The following DNAH1 variants were observed in gnomAD, a reference collection of about 807,000 sequenced individuals.
The protein encoded by DNAH1 is dynein axonemal heavy chain 1, also known as axonemal beta dynein heavy chain 1.
Under a neutral mutation model 484.3 loss-of-function variants are expected in DNAH1, and 327 were observed. That is an observed-to-expected ratio of 0.68 (90% CI 0.62 to 0.74). The LOEUF (loss-of-function observed/expected upper bound fraction) is 0.74. Among genes scored for constraint, DNAH1 ranks in the 30% least tolerant of loss-of-function variants. The pLI is 0.00. For synonymous variants in DNAH1, 2,192 were observed against 2,191.9 expected, an observed-to-expected ratio of 1.00 and a Z score of 0.00; for missense variants, 5,052 against 5,546.8, an observed-to-expected ratio of 0.91 and a Z score of 2.83.
At position 52,368,390 on chromosome 3, in the gene DNAH1, C is replaced by G. The variant is rs888840431; in HGVS notation, c.5766-351C>G. ...GTTCTGAGGCAGGACCTGGCCACTT[C>G]TCACCACGCTGCTTTCTCTGCCCTG... On this transcript the variant is annotated intron_variant, in intron 36 of 77. Transcript: ENST00000420323. This position sits in a 1 kb window ranked among gnomAD's most constrained non-coding sequence, Gnocchi z 4.4. 1.3e-5 allele frequency among the ~76,000 whole-genome samples: 2 copies of G among 152,156 alleles called. No homozygotes were observed. Among genetic ancestry groups the G allele is most frequent in the Admixed American group, 6.5e-5 (1 of 15,284 alleles).
In DNAH1 at chr3:52,359,932, C is replaced by T; in HGVS notation, c.4424C>T (p.Ala1475Val). 6.2e-7 allele frequency: 1 copy of T among 1,613,802 alleles called. No individual in the cohort carries two copies. Among genetic ancestry groups the T allele is most frequent in the South Asian group, 1.1e-5 (1 of 91,078 alleles). The part of the protein sequence containing the change: ...QLCQQLSDLV[A>V]LVRGKLSRMQ... ...TTTCTGCAGCTCAGTGATCTGGTGG[C>T]CCTTGTGCGGGGGAAGCTGTCCCGC... Residue 1475 changes from alanine to valine, a missense_variant, in exon 27 of 78, where the codon GCC (alanine) becomes GTC (valine). Around this residue, in one of 4 missense-constraint regions of DNAH1, gnomAD observed 2,929 missense variants for 3,409.4 expected, o/e 0.86. Transcript: ENST00000420323.
Position 52,383,964 on chromosome 3 carries a change from C to G in DNAH1, c.8255C>G (p.Ser2752Cys). 1 of 1,612,132 alleles carries G rather than the reference C, an allele frequency of 6.2e-7. No homozygotes were observed. The highest frequency in any genetic ancestry group is 1.1e-5 in the South Asian group (1 of 90,656). Residue 2752 changes from serine (S) to cysteine (C), a missense_variant, in exon 52 of 78, where the codon TCT (serine) becomes TGT (cysteine). Ser to Cys is a moderately radical substitution (Grantham distance 112). Around this residue, in one of 4 missense-constraint regions of DNAH1, gnomAD observed 2,929 missense variants for 3,409.4 expected, o/e 0.86. Coordinates refer to ENST00000420323, the MANE Select transcript of DNAH1 (RefSeq NM_015512.5). ...FNEWPAEALK[S>C]VATVFLNEIP... ...GAGTGGCCGGCAGAAGCCCTGAAGTCTGTGGCCACCGTGTTCCTCAATGAG... is the reference window on the plus strand; with the variant it reads ...GAGTGGCCGGCAGAAGCCCTGAAGTGTGTGGCCACCGTGTTCCTCAATGAG...
intron 21 of DNAH1, 97 bp from the exon 22 acceptor site, chr3:52,356,517 C>T (rs897328098): frequency 1.4e-5 from 18 of 1,298,782 alleles, no homozygotes; most frequent in Non-Finnish European, 1.8e-5. Flanking sequence ...CTCTGCCCAA[C>T]ATGCTGGTGG....
intron 44 of DNAH1, chr3:52,374,420 G>C (rs1703493229): frequency 1.5e-6 from 2 of 1,315,058 alleles, no homozygotes; most frequent in Non-Finnish European, 2.2e-6. Context: ...CAGTGGTGAT[G>C]ACACTTCTCA....
In DNAH1 at chr3:52,381,577, G is replaced by A; in HGVS notation, c.7609-63G>A. On this transcript the variant is annotated intron_variant, in intron 48 of 77. Transcript: ENST00000420323. The surrounding 1 kb of genome is among the most constrained non-coding windows in gnomAD (Gnocchi z 4.1). ...CAGAGAAGAAAGCGGGTGGGTGGGG[G>A]GAATCGGGGAGACCCTACAGTAAGA... is the stretch of plus-strand genomic sequence containing the variant. 2 of 1,456,198 alleles carry A rather than the reference G, an allele frequency of 1.4e-6. No individual in the cohort carries two copies. Among genetic ancestry groups the A allele is most frequent in the Non-Finnish European group, 1.9e-6 (2 of 1,077,234 alleles). 90.2% of individuals were successfully genotyped at this position (1,456,198 alleles called of 1,614,324 possible).
chr3:52,344,106 C>G (rs1025852133), intron 8 of DNAH1, among the ~76,000 whole-genome samples: 1 of 152,240 alleles, frequency 6.6e-6, no homozygotes, highest in African/African-American at 2.4e-5. Context: ...CAGGCATCTT[C>G]CACTGCACCA....
At chr3:52,399,405 G>T in intron 76 of DNAH1, 140 bp from the exon 77 acceptor site, 2 of 935,860 alleles carry the variant, frequency 2.1e-6, no homozygotes, top group Non-Finnish European at 3.2e-6. Context: ...CAGACCACAG[G>T]CCATGGGCTA....
intron 3 of DNAH1, among the ~76,000 whole-genome samples, 162 bp downstream of exon 3, chr3:52,324,042 T>A (rs552611804): frequency 5.3e-5 from 8 of 152,178 alleles, no homozygotes; most frequent in African/African-American, 1.7e-4. Flanking sequence ...CCACTCATGG[T>A]GAGTGCTCAG....
At chr3:52,333,502 C>T (rs1328727885) in intron 8 of DNAH1, among the ~76,000 whole-genome samples, 2 of 151,540 alleles carry the variant, frequency 1.3e-5, no homozygotes, top group African/African-American at 2.4e-5. Flanking sequence ...ATTCTCCTGC[C>T]TCAGCCTCCT....
At chr3:52,344,691 G>A (rs1702076227) in intron 9 of DNAH1, 44 bp downstream of exon 9, 1 of 1,577,904 alleles carries the variant, frequency 6.3e-7, no homozygotes, top group Non-Finnish European at 8.6e-7. Flanking sequence ...CCATCCACCT[G>A]GCCAGAGCCC....
chr3:52,321,741 C>T (rs1315686992), intron 1 of DNAH1: 2 of 152,272 alleles, frequency 1.3e-5, no homozygotes, highest in African/African-American at 4.8e-5. Flanking sequence ...ACTCTGAGAG[C>T]CAGGGTGGGT....
chr3:52,316,732 C>T (rs901542470), intron 1 of DNAH1, among the ~76,000 whole-genome samples, 187 bp downstream of exon 1: 5 of 152,200 alleles, frequency 3.3e-5, no homozygotes, highest in African/African-American at 9.7e-5. Context: ...GGGTCCAGTT[C>T]AGTTCCAGAC....
chr3:52,398,878 C>A lies in DNAH1; in HGVS notation c.12118C>A (p.Gln4040Lys), dbSNP rs373064545. 93 of 1,569,314 alleles carry A rather than the reference C, an allele frequency of 5.9e-5. No homozygotes were observed. The highest frequency in any genetic ancestry group is 1.3e-5 in the Non-Finnish European group (15 of 1,154,504). ...CAATCGGCTGCTGCAGGTGATCACA[C>A]AGACACTGCAAGACCTACTCAAGGC... The part of the protein sequence containing the change: ...RYNRLLQVIT[Q>K]TLQDLLKALK... Residue 4040 changes from glutamine (Q) to lysine (K), a missense_variant, in exon 76 of 78, where the codon CAG (glutamine) becomes AAG (lysine). Around this residue, in one of 4 missense-constraint regions of DNAH1, gnomAD observed 853 missense variants for 899.0 expected, o/e 0.95. Transcript: ENST00000420323.
intron 6 of DNAH1, 33 bp from the exon 7 acceptor site, chr3:52,331,115 G>A: frequency 6.4e-7 from 1 of 1,560,676 alleles, no homozygotes. Flanking sequence ...CCCATGGCGG[G>A]GGGCACTGGT....
chr3:52,386,444 T>G, intron 55 of DNAH1, 99 bp downstream of exon 55: 1 of 1,427,274 alleles, frequency 7.0e-7, no homozygotes. Flanking sequence ...TGCCCCACCC[T>G]CCTCATTCCA....
At chr3:52,365,842 G>T (rs1486756494) in intron 34 of DNAH1, among the ~76,000 whole-genome samples, 1 of 152,098 alleles carries the variant, frequency 6.6e-6, no homozygotes, top group South Asian at 2.1e-4. Flanking sequence ...CTGCACCCCC[G>T]ACCCTAGCAG....
intron 3 of DNAH1, among the ~76,000 whole-genome samples, chr3:52,324,983 G>A (rs1206440284): frequency 6.6e-6 from 1 of 152,076 alleles, no homozygotes; most frequent in Admixed American, 6.5e-5. Context: ...GCCAGGCATG[G>A]GTCTCTTCGC....
At chr3:52,340,247 A>AT (rs1407735194) in intron 8 of DNAH1, among the ~76,000 whole-genome samples, 3 of 148,964 alleles carry the variant, frequency 2.0e-5, no homozygotes, top group Admixed American at 6.7e-5. Flanking sequence ...CACACCCGCT[A>AT]TTTTTTTATT....
intron 8 of DNAH1, among the ~76,000 whole-genome samples, chr3:52,341,331 C>T (rs74970647): frequency 1.3e-3 from 199 of 152,220 alleles, no homozygotes; most frequent in African/African-American, 4.6e-3. Flanking sequence ...TGTGGGGACT[C>T]TTGTGCAAGC....
Sources: allele counts gnomAD v4.1 joint callset (sites outside exome capture counted in the v4.1 genomes callset), GRCh38; gene constraint gnomAD v4.1.1; regional missense constraint gnomAD v4.1.1; non-coding constraint Gnocchi (gnomAD v3.1); transcripts MANE v1.5; gene names NCBI Gene and HGNC (gene_info 2026-07-23, HGNC 2026-07-21).